The following PDE2A variants were observed in gnomAD, a reference collection of about 807,000 sequenced individuals.
The protein encoded by PDE2A is phosphodiesterase 2A.
PDE2A carries 53 observed loss-of-function variants against 133.6 expected under a neutral mutation model. The ratio of observed to expected loss-of-function variants is 0.40; its 90% confidence interval spans 0.32 to 0.50. The LOEUF is 0.50. PDE2A is among the 20% of genes least tolerant of loss of function. PDE2A has a pLI of 0.73. For missense variants in PDE2A, 796 were observed against 1,232.4 expected, an observed-to-expected ratio of 0.65 and a Z score of 5.30; for synonymous variants, 491 against 490.2, an observed-to-expected ratio of 1.00 and a Z score of -0.02.
intron 2 of PDE2A, among the ~76,000 whole-genome samples, chr11:72,625,957 T>C (rs1000363246): frequency 2.6e-5 from 4 of 151,986 alleles, no homozygotes; most frequent in African/African-American, 9.7e-5. Context: ...CGGTGGGGGG[T>C]GGGGCCGGCT....
intron 1 of PDE2A, chr11:72,668,975 C>T (rs1855320154): frequency 4.0e-6 from 4 of 1,003,448 alleles, no homozygotes; most frequent in African/African-American, 1.7e-5. Context: ...GAAAGTGTGG[C>T]TGATCGTGGG....
rs116064819 is a variant in PDE2A at position 72,654,068 on chromosome 11, A to G, written c.72-11742T>C. On this transcript the variant is annotated intron_variant, in intron 1 of 30. Coordinates refer to ENST00000334456, the MANE Select transcript of PDE2A (RefSeq NM_002599.5). ...TCCCCATACCAGAGTGAATGAGGAG[A>G]TTACAGAGCCTAAGATGGAACACCT... Among the ~76,000 whole-genome samples the G allele has an allele frequency of 3.6e-3, 543 of 152,294 alleles. 2 individuals are homozygous for G. Among genetic ancestry groups the G allele is most frequent in the African/African-American group, 0.012 (517 of 41,552 alleles).
chr11:72,576,403 A>G lies in PDE2A; in HGVS notation c.*981T>C, dbSNP rs1366028123. ...GGCACAGGTGGATATGGCCTTGAAG[A>G]GAGAGCCCTGCCAGGGCTGAGGCCA... On this transcript the variant is annotated 3_prime_UTR_variant, in exon 31 of 31. Transcript: ENST00000334456. 1 of 152,242 alleles carries G rather than the reference A, an allele frequency of 6.6e-6. No homozygotes were observed. The highest frequency in any genetic ancestry group is 2.4e-5 in the African/African-American group (1 of 41,396). The allele number at this position is 152,242 out of a possible 1,614,324, so 9.4% of individuals were successfully genotyped here. A position where few individuals can be genotyped will look rare whatever the true frequency, so the allele number is the denominator to read the frequency against.
intron 4 of PDE2A, among the ~76,000 whole-genome samples, chr11:72,601,966 C>T (rs1487514102): frequency 6.6e-6 from 1 of 152,172 alleles, no homozygotes; most frequent in Non-Finnish European, 1.5e-5. Context: ...GTCTCTGACT[C>T]CCAGCCCAAG....
chr11:72,599,908 A>C (rs1418451358), intron 4 of PDE2A, among the ~76,000 whole-genome samples: 1 of 152,222 alleles, frequency 6.6e-6, no homozygotes, highest in Non-Finnish European at 1.5e-5. Context: ...CAGCCCACTC[A>C]GGTGCAGGGT....
At chr11:72,664,469 G>T (rs1228384038) in intron 1 of PDE2A, among the ~76,000 whole-genome samples, 1 of 138,204 alleles carries the variant, frequency 7.2e-6, no homozygotes, top group Non-Finnish European at 1.5e-5. Context: ...CGCCTCCTGA[G>T]TTCATGCCAT....
chr11:72,629,201 TC>T (rs1392863961), intron 2 of PDE2A, among the ~76,000 whole-genome samples: 1 of 152,188 alleles, frequency 6.6e-6, no homozygotes, highest in Non-Finnish European at 1.5e-5. Context: ...CAGGGAAGCC[TC>T]ATGGGAAGGA....
intron 1 of PDE2A, among the ~76,000 whole-genome samples, chr11:72,667,267 A>C (rs539590087): frequency 6.6e-6 from 1 of 152,244 alleles, no homozygotes; most frequent in African/African-American, 2.4e-5. Flanking sequence ...ACTGAGACAC[A>C]AGCAATATCC....
At chr11:72,601,931 G>A (rs890194267) in intron 4 of PDE2A, among the ~76,000 whole-genome samples, 9 of 152,146 alleles carry the variant, frequency 5.9e-5, no homozygotes, top group Non-Finnish European at 1.0e-4. Context: ...GATTGTGATT[G>A]CAGCCATGTT....
intron 1 of PDE2A, among the ~76,000 whole-genome samples, chr11:72,656,130 G>A (rs780650705): frequency 2.0e-5 from 3 of 152,212 alleles, no homozygotes; most frequent in Non-Finnish European, 4.4e-5. Context: ...ATGCTGCACA[G>A]TGGGGTGCGA....
chr11:72,585,601 G>T lies in PDE2A; in HGVS notation c.1183-8C>A. On this transcript the variant is annotated splice_polypyrimidine_tract_variant and splice_region_variant and intron_variant, in intron 14 of 30. Transcript: ENST00000334456. ...TGCCACTTGGAGAAGAGCCTGGAATGAAGGAAATGGAGATCATAGGGGGGT... is the reference window on the plus strand; with the variant it reads ...TGCCACTTGGAGAAGAGCCTGGAATTAAGGAAATGGAGATCATAGGGGGGT... 6.2e-7 allele frequency: 1 copy of T among 1,613,682 alleles called. No individual in the cohort carries two copies. The highest frequency in any genetic ancestry group is 8.5e-7 in the Non-Finnish European group (1 of 1,179,756).
At chr11:72,601,873 C>T (rs182474291) in intron 4 of PDE2A, among the ~76,000 whole-genome samples, 106 of 152,190 alleles carry the variant, frequency 7.0e-4, no homozygotes, top group African/African-American at 2.2e-3. Flanking sequence ...GAATGTTCAG[C>T]GTATCATTTT....
At chr11:72,669,388 C>T (rs1442479252) in intron 1 of PDE2A, among the ~76,000 whole-genome samples, 2 of 151,918 alleles carry the variant, frequency 1.3e-5, no homozygotes, top group South Asian at 2.1e-4. Flanking sequence ...TCCTGTTTTT[C>T]GGGGTGGGGG....
Position 72,664,487 on chromosome 11 carries a change from C to A in PDE2A, c.71+9650G>T, listed in dbSNP as rs112399819. Among the ~76,000 whole-genome samples, 659 of 146,654 alleles carry A rather than the reference C, an allele frequency of 4.5e-3. 8 individuals carry two copies. The highest frequency in any genetic ancestry group is 0.015 in the African/African-American group (593 of 39,558). ...CTCCTGAGTTCATGCCATTATCCTG[C>A]CTCAGCCTCCCGAGTAGCTGGGACT... On this transcript the variant is annotated intron_variant, in intron 1 of 30. Coordinates refer to ENST00000334456, the MANE Select transcript of PDE2A (RefSeq NM_002599.5).
chr11:72,617,749 A>C (rs982058190), intron 2 of PDE2A, among the ~76,000 whole-genome samples: 1 of 152,096 alleles, frequency 6.6e-6, no homozygotes, highest in African/African-American at 2.4e-5. Flanking sequence ...CTGGCTGGGG[A>C]AGCCCCTGAG....
chr11:72,594,007 C>T (rs1856367621), intron 6 of PDE2A, among the ~76,000 whole-genome samples: 1 of 152,236 alleles, frequency 6.6e-6, no homozygotes, highest in East Asian at 1.9e-4. Flanking sequence ...TCAAGGAATA[C>T]TCCCAAGTAG....
At chr11:72,607,863 A>C (rs1290344478) in intron 3 of PDE2A, among the ~76,000 whole-genome samples, 1 of 152,172 alleles carries the variant, frequency 6.6e-6, no homozygotes, top group African/African-American at 2.4e-5. Context: ...GAAGTCTTCC[A>C]TGCCCCTTAG....
intron 2 of PDE2A, among the ~76,000 whole-genome samples, chr11:72,623,342 C>T (rs74652743): frequency 0.017 from 2,592 of 152,208 alleles, 65 homozygotes; most frequent in African/African-American, 0.06. Context: ...TCTCCTCTGC[C>T]TCCCTGGCCC....
intron 4 of PDE2A, among the ~76,000 whole-genome samples, chr11:72,600,816 T>C (rs1183195521): frequency 2.0e-5 from 3 of 152,042 alleles, no homozygotes; most frequent in Non-Finnish European, 4.4e-5. Context: ...TGGGTGGTCA[T>C]GGCCTGCCCC....
Sources: gnomAD v4.1 joint callset for allele counts (sites outside exome capture counted in the v4.1 genomes callset) on GRCh38, gnomAD v4.1.1 for gene constraint, MANE v1.5 for transcripts, NCBI Gene and HGNC (gene_info 2026-07-23, HGNC 2026-07-21) for gene names.